The following ATRIP variants were observed in gnomAD, a reference collection of about 807,000 sequenced individuals.
ATRIP encodes the protein ATR-interacting protein.
A neutral mutation model predicts 78.1 loss-of-function variants in ATRIP; 44 were observed. The observed-to-expected ratio is 0.56, with a 90% CI of 0.44 to 0.72. ATRIP has a LOEUF of 0.72. Among genes scored for constraint, ATRIP ranks in the 30% least tolerant of loss-of-function variants. ATRIP has a pLI of 0.00. For missense variants in ATRIP, 927 were observed against 980.2 expected (o/e 0.95, Z 0.72); for synonymous variants, 388 against 408.9 (o/e 0.95, Z 0.62).
chr3:48,466,232 T>C lies in ATRIP; in HGVS notation c.*678T>C. 1.7e-6 allele frequency: 1 copy of C among 590,798 alleles called. No individual in the cohort carries two copies. Among genetic ancestry groups the C allele is most frequent in the Non-Finnish European group, 3.0e-6 (1 of 329,964 alleles). 36.6% of individuals were successfully genotyped at this position (590,798 alleles called of 1,614,324 possible). A position where few individuals can be genotyped will look rare whatever the true frequency, so the allele number is the denominator to read the frequency against. On this transcript the variant is annotated 3_prime_UTR_variant, in exon 13 of 13. Coordinates refer to ENST00000320211, the MANE Select transcript of ATRIP (RefSeq NM_130384.3). ...TAGGCGGGCCCACGCCAAGTTTCACTTCCCGCCACTGCTGCCAGCGAGAGC... is the reference window on the plus strand; with the variant it reads ...TAGGCGGGCCCACGCCAAGTTTCACCTCCCGCCACTGCTGCCAGCGAGAGC...
rs1433877282 is a variant in ATRIP at position 48,467,288 on chromosome 3, A to C, written c.*1734A>C. 4 of 1,613,966 alleles carry C rather than the reference A, an allele frequency of 2.5e-6. No homozygotes were observed. Among genetic ancestry groups the C allele is most frequent in the Non-Finnish European group, 3.4e-6 (4 of 1,180,022 alleles). On this transcript the variant is annotated 3_prime_UTR_variant, in exon 13 of 13. Coordinates refer to ENST00000320211, the MANE Select transcript of ATRIP (RefSeq NM_130384.3). ...CCCTGCTCAGCATCTGTCAGTGGAG[A>C]CCACAGGCCCTGCTGCGGTGGGTGG...
At chr3:48,453,174 A>G (rs1052455553) in intron 3 of ATRIP, among the ~76,000 whole-genome samples, 1 of 152,172 alleles carries the variant, frequency 6.6e-6, no homozygotes, top group Non-Finnish European at 1.5e-5. Context: ...GTGAGCCACA[A>G]TGCCCAGCCT....
chr3:48,462,433 G>A (rs2040143497), intron 8 of ATRIP, among the ~76,000 whole-genome samples: 1 of 152,188 alleles, frequency 6.6e-6, no homozygotes. Context: ...GCTGGGCATG[G>A]TGGCTCACGC....
chr3:48,452,870 A>ATTTTTTTTTTTTTT, intron 3 of ATRIP, among the ~76,000 whole-genome samples: 1 of 117,504 alleles, frequency 8.5e-6, no homozygotes, highest in Non-Finnish European at 1.7e-5. Flanking sequence ...AAATTATTGA[A>ATTTTTTTTTTTTTT]TTTTTTTTTT....
At chr3:48,464,366 G>A (rs1373088179) in intron 10 of ATRIP, among the ~76,000 whole-genome samples, 1 of 152,200 alleles carries the variant, frequency 6.6e-6, no homozygotes, top group Non-Finnish European at 1.5e-5. Flanking sequence ...TTTGGGACGT[G>A]GGGGCAGAAT....
intron 1 of ATRIP, among the ~76,000 whole-genome samples, chr3:48,447,797 A>G (rs2039719983): frequency 6.6e-6 from 1 of 151,028 alleles, no homozygotes; most frequent in Non-Finnish European, 1.5e-5. Context: ...CACTTCTAGC[A>G]TGGTGCCGGC....
chr3:48,446,835 G>A lies in ATRIP; in HGVS notation c.-11G>A, dbSNP rs750552725. 1.4e-6 allele frequency: 2 copies of A among 1,398,022 alleles called. No individual in the cohort carries two copies. Among genetic ancestry groups the A allele is most frequent in the Non-Finnish European group, 9.3e-7 (1 of 1,076,586 alleles). The allele number at this position is 1,398,022 out of a possible 1,614,324, so 86.6% of individuals were successfully genotyped here. A position where few individuals can be genotyped will look rare whatever the true frequency, so the allele number is the denominator to read the frequency against. On this transcript the variant is annotated 5_prime_UTR_variant, in exon 1 of 13. Coordinates refer to ENST00000320211, the MANE Select transcript of ATRIP (RefSeq NM_130384.3). ...CTCGGCGCTGTCGGATACTTGGGGT[G>A]AGCGGAAAGCATGGCGGGGACCTCC...
chr3:48,457,996 G>A, intron 5 of ATRIP, among the ~76,000 whole-genome samples: 1 of 151,334 alleles, frequency 6.6e-6, no homozygotes, highest in East Asian at 1.9e-4. Context: ...TTAGCATTAG[G>A]TATATCTCCT....
In ATRIP at chr3:48,467,064, G is replaced by C. The variant is rs760855700; in HGVS notation, c.*1510G>C. The stretch of plus-strand genomic sequence containing the variant: ...CTACGACTTCCCCCTGCTCCAAGCA[G>C]AGCTGGCTATGCTGGGCCTCACCAG... On this transcript the variant is annotated 3_prime_UTR_variant, in exon 13 of 13. Coordinates refer to ENST00000320211, the MANE Select transcript of ATRIP (RefSeq NM_130384.3). 3.7e-6 allele frequency: 6 copies of C among 1,614,018 alleles called. No homozygotes were observed. Among genetic ancestry groups the C allele is most frequent in the Non-Finnish European group, 5.1e-6 (6 of 1,180,044 alleles).
chr3:48,450,275 C>G, intron 2 of ATRIP, 105 bp downstream of exon 2: 5 of 1,369,080 alleles, frequency 3.7e-6, no homozygotes, highest in Non-Finnish European at 5.0e-6. Context: ...TGTCTAGATT[C>G]ATCCCTATGA....
Position 48,466,778 on chromosome 3 carries a change from A to G in ATRIP, c.*1224A>G. On this transcript the variant is annotated 3_prime_UTR_variant, in exon 13 of 13. Transcript: ENST00000320211. ...AGCTGTGCCTGCTGGCTGTCCACAG[A>G]TGTGCCCTGGAGAGCCCCCCCACCT... 1 of 1,613,758 alleles carries G rather than the reference A, an allele frequency of 6.2e-7. No individual in the cohort carries two copies. The highest frequency in any genetic ancestry group is 8.5e-7 in the Non-Finnish European group (1 of 1,179,990).
At chr3:48,459,312 C>T in intron 5 of ATRIP, 47 bp from the exon 6 acceptor site, 1 of 1,504,338 alleles carries the variant, frequency 6.6e-7, no homozygotes, top group Non-Finnish European at 9.2e-7. Context: ...TCTAATATGC[C>T]CATGCTTCTG....
intron 4 of ATRIP, among the ~76,000 whole-genome samples, chr3:48,456,655 C>G (rs1435240651): frequency 6.6e-6 from 1 of 151,152 alleles, no homozygotes; most frequent in Admixed American, 6.6e-5. Flanking sequence ...GTAATCCCAG[C>G]TACTCAGGAG....
Position 48,465,574 on chromosome 3 carries a change from C to T in ATRIP, c.*20C>T, listed in dbSNP as rs1348804589. The T allele has an allele frequency of 6.2e-7, 1 of 1,600,528 alleles. No homozygotes were observed. The highest frequency in any genetic ancestry group is 8.6e-7 in the Non-Finnish European group (1 of 1,167,728). On this transcript the variant is annotated 3_prime_UTR_variant, in exon 13 of 13. Transcript: ENST00000320211. ...GGCTGAGGCCCTGAGTGTCCAGCCA[C>T]ATGGTGGCACCAGCACCACTCCTTT...
Position 48,466,264 on chromosome 3 carries a change from AGAGTGTGCAGCC to A in ATRIP, c.*715_*726del. On this transcript the variant is annotated 3_prime_UTR_variant, in exon 13 of 13. Coordinates refer to ENST00000320211, the MANE Select transcript of ATRIP (RefSeq NM_130384.3). ...CACTGCTGCCAGCGAGAGCCGCGGG[AGAGTGTGCAGCC>A]GAGTCACTACTGCCTGCCTGCCTGC... 1.6e-6 allele frequency: 1 copy of A among 616,836 alleles called. No homozygotes were observed. 38.2% of individuals were successfully genotyped at this position (616,836 alleles called of 1,614,324 possible). A position where few individuals can be genotyped will look rare whatever the true frequency, so the allele number is the denominator to read the frequency against.
intron 10 of ATRIP, among the ~76,000 whole-genome samples, chr3:48,464,339 A>G (rs963794437): frequency 6.6e-6 from 1 of 152,154 alleles, no homozygotes; most frequent in Admixed American, 6.5e-5. Flanking sequence ...TTGCCTGATG[A>G]CTGATCCTGT....
intron 11 of ATRIP, 50 bp from the exon 12 acceptor site, chr3:48,464,781 G>T: frequency 6.2e-7 from 1 of 1,601,694 alleles, no homozygotes; most frequent in South Asian, 1.1e-5. Flanking sequence ...GATTGTTAGG[G>T]TGCAGGCCAT....
rs761094995 is a variant in ATRIP at position 48,466,676 on chromosome 3, C to T, written c.*1122C>T. On this transcript the variant is annotated 3_prime_UTR_variant, in exon 13 of 13. Coordinates refer to ENST00000320211, the MANE Select transcript of ATRIP (RefSeq NM_130384.3). ...CAACCATGGGCTCGCAGGCCCTGCCCCCGGGGCCCATGCAGACCCTCATCT... is the reference window on the plus strand; with the variant it reads ...CAACCATGGGCTCGCAGGCCCTGCCTCCGGGGCCCATGCAGACCCTCATCT... 3.7e-6 allele frequency: 6 copies of T among 1,614,078 alleles called. No individual in the cohort carries two copies. The highest frequency in any genetic ancestry group is 5.1e-6 in the Non-Finnish European group (6 of 1,180,008).
In ATRIP at chr3:48,463,800, C is replaced by T. The variant is rs748604429; in HGVS notation, c.1801C>T (p.Pro601Ser). Residue 601 changes from proline to serine, a missense_variant, in exon 9 of 13, where the codon CCT becomes TCT. By Grantham distance (74) the Pro-to-Ser change is moderately conservative (BLOSUM62 -1). Transcript: ENST00000320211. ...PKCLSPETPL[P>S]SVLLAVELLS... ...GTGCCTCAGCCCAGAGACACCCCTG[C>T]CTAGCGTGCTGCTGGCTGTTGAGCT... is the stretch of plus-strand genomic sequence containing the variant. 3.7e-6 allele frequency: 6 copies of T among 1,614,196 alleles called. No homozygotes were observed. The highest frequency in any genetic ancestry group is 3.3e-5 in the South Asian group (3 of 91,078).
Sources: gnomAD v4.1 joint callset for allele counts (sites outside exome capture counted in the v4.1 genomes callset) on GRCh38, gnomAD v4.1.1 for gene constraint, MANE v1.5 for transcripts, NCBI Gene and HGNC (gene_info 2026-07-23, HGNC 2026-07-21) for gene names.